ZNF585A: variants seen among roughly 807,000 people sequenced by gnomAD.
ZNF585A encodes zinc finger protein 585A.
In ZNF585A, 9 loss-of-function variants were observed where a neutral mutation model predicts 14.9. The ratio of observed to expected loss-of-function variants is 0.60; its 90% CI spans 0.36 to 1.05. The LOEUF (loss-of-function observed/expected upper bound fraction) is 1.05. ZNF585A is among the 50% of genes least tolerant of loss of function. The probability of loss-of-function intolerance (pLI) is 0.01; values close to 1 mark genes in which losing one functional copy is unlikely to be tolerated. For missense variants in ZNF585A, 726 were observed against 926.4 expected (o/e 0.78, Z 2.81); for synonymous variants, 276 against 319.9 (o/e 0.86, Z 1.46).
intron 4 of ZNF585A, among the ~76,000 whole-genome samples, chr19:37,155,502 T>A (rs901079011): frequency 2.0e-5 from 3 of 151,866 alleles, no homozygotes; most frequent in African/African-American, 4.8e-5. Flanking sequence ...AGTACAAAGA[T>A]TAGCTGGGCA....
intron 2 of ZNF585A, among the ~76,000 whole-genome samples, chr19:37,160,260 G>C (rs1028335277): frequency 6.6e-6 from 1 of 151,562 alleles, no homozygotes; most frequent in African/African-American, 2.4e-5. Context: ...AGAATCACTT[G>C]AGCCTGGGAA....
In ZNF585A at chr19:37,151,524, C is replaced by T. The variant is rs1478741744; in HGVS notation, c.*65G>A. 11 of 1,409,692 alleles carry T rather than the reference C, an allele frequency of 7.8e-6. No homozygotes were observed. Among genetic ancestry groups the T allele is most frequent in the Non-Finnish European group, 9.7e-6 (10 of 1,033,828 alleles). 87.3% of individuals were successfully genotyped at this position (1,409,692 alleles called of 1,614,324 possible). On this transcript the variant is annotated 3_prime_UTR_variant, in exon 5 of 5. Coordinates refer to ENST00000292841, the MANE Select transcript of ZNF585A (RefSeq NM_001288800.2). Reference sequence around the variant, plus strand: ...TTACAATAATATACATATTTTTCTGCTGCATGCGTGCAACAGTGTACAATC... The same window carrying T: ...TTACAATAATATACATATTTTTCTGTTGCATGCGTGCAACAGTGTACAATC...
At chr19:37,169,739 G>A in intron 2 of ZNF585A, 100 bp downstream of exon 2, 2 of 1,430,108 alleles carry the variant, frequency 1.4e-6, no homozygotes, top group Non-Finnish European at 1.9e-6. Context: ...GCTGCTTCCT[G>A]TGGCCCAGCT....
At chr19:37,154,392 T>C (rs1441117977) in intron 4 of ZNF585A, among the ~76,000 whole-genome samples, 3 of 151,288 alleles carry the variant, frequency 2.0e-5, no homozygotes, top group African/African-American at 7.3e-5. Flanking sequence ...GGCAGAAAAA[T>C]GGGTGTGGGG....
chr19:37,168,185 C>T (rs796466770), intron 2 of ZNF585A, among the ~76,000 whole-genome samples: 28 of 152,248 alleles, frequency 1.8e-4, no homozygotes, highest in African/African-American at 6.7e-4. Flanking sequence ...GTGATTTTCA[C>T]CTTAAATTCC....
rs1971847103 is a variant in ZNF585A at position 37,152,383 on chromosome 19, T to C, written c.1516A>G (p.Arg506Gly). The C allele has an allele frequency of 1.2e-6, 2 of 1,614,034 alleles. No homozygotes were observed. Among genetic ancestry groups the C allele is most frequent in the Non-Finnish European group, 1.7e-6 (2 of 1,179,998 alleles). Residue 506 changes from arginine (R) to glycine (G), a missense_variant, in exon 5 of 5, where the codon AGG (arginine) becomes GGG (glycine). By Grantham distance (125) the Arg-to-Gly change is moderately radical (BLOSUM62 -2). Coordinates refer to ENST00000292841, the MANE Select transcript of ZNF585A (RefSeq NM_001288800.2). ...CTCTGATGTGTAATCAAGTCTGACC[T>C]CTGGGTGAAGGCCTTTCCACATTTG... Reference protein sequence around the residue: ...CSKCGKAFTQRSDLITHQRIH... With the variant: ...CSKCGKAFTQGSDLITHQRIH...
rs924690383 is a variant in ZNF585A, at chr19:37,167,481, T to C, written c.72+2358A>G. Reference sequence around the variant, plus strand: ...GGGCCTGGCCCCAAATGCTTTTTAATTGTGGTAAAAATACACATAACATAA... The same window carrying C: ...GGGCCTGGCCCCAAATGCTTTTTAACTGTGGTAAAAATACACATAACATAA... On this transcript the variant is annotated intron_variant, in intron 2 of 4. Coordinates refer to ENST00000292841, the MANE Select transcript of ZNF585A (RefSeq NM_001288800.2). Among the ~76,000 whole-genome samples the C allele has an allele frequency of 2.0e-5, 3 of 152,294 alleles. No homozygotes were observed. The South Asian group carries it at 6.2e-4, about 32-fold the overall frequency.
chr19:37,168,955 A>T (rs1403347621), intron 2 of ZNF585A, among the ~76,000 whole-genome samples: 1 of 152,200 alleles, frequency 6.6e-6, no homozygotes, highest in African/African-American at 2.4e-5. Context: ...TATGTTGAGA[A>T]ACATGGGGGT....
chr19:37,162,591 T>G (rs1972028845), intron 2 of ZNF585A, among the ~76,000 whole-genome samples: 1 of 152,158 alleles, frequency 6.6e-6, no homozygotes, highest in South Asian at 2.1e-4. Context: ...CCATCAGTGA[T>G]AAACTGGATA....
intron 2 of ZNF585A, among the ~76,000 whole-genome samples, chr19:37,165,186 C>T (rs1279168082): frequency 1.3e-5 from 2 of 151,844 alleles, no homozygotes; most frequent in South Asian, 2.1e-4. Flanking sequence ...GGTGAAACCC[C>T]GTGTCTACTA....
At chr19:37,162,551 A>G (rs905377839) in intron 2 of ZNF585A, among the ~76,000 whole-genome samples, 1 of 152,224 alleles carries the variant, frequency 6.6e-6, no homozygotes, top group African/African-American at 2.4e-5. Context: ...AGTATTCACA[A>G]TAGCAAAGAC....
intron 2 of ZNF585A, among the ~76,000 whole-genome samples, chr19:37,160,542 T>C (rs1181268284): frequency 6.6e-6 from 1 of 151,614 alleles, no homozygotes; most frequent in Non-Finnish European, 1.5e-5. Context: ...ACCGATAAAT[T>C]CACTGATTGG....
At chr19:37,154,650 A>T (rs1226448189) in intron 4 of ZNF585A, among the ~76,000 whole-genome samples, 1 of 131,356 alleles carries the variant, frequency 7.6e-6, no homozygotes, top group African/African-American at 3.3e-5. Context: ...AGATAATCCC[A>T]AAGATTAAGT....
chr19:37,151,255 G>T lies in ZNF585A; in HGVS notation c.*334C>A. 2.3e-6 allele frequency: 1 copy of T among 437,904 alleles called. No homozygotes were observed. The highest frequency in any genetic ancestry group is 4.0e-6 in the Non-Finnish European group (1 of 248,764). The allele number at this position is 437,904 out of a possible 1,614,324, so 27.1% of individuals were successfully genotyped here. On this transcript the variant is annotated 3_prime_UTR_variant, in exon 5 of 5. Coordinates refer to ENST00000292841, the MANE Select transcript of ZNF585A (RefSeq NM_001288800.2). ...CACTATACCTAATCCACAGTAAACA[G>T]GATTATCGTTAACTTAATACGATCT...
rs1209786528 is a variant in ZNF585A at position 37,152,918 on chromosome 19, T to C, written c.981A>G (p.Ile327Met). Residue 327 changes from isoleucine to methionine, a missense_variant, in exon 5 of 5, where the codon ATA becomes ATG. This residue lies in a region of ZNF585A where 483 missense variants were observed against 542.8 expected (regional missense o/e 0.89). Coordinates refer to ENST00000292841, the MANE Select transcript of ZNF585A (RefSeq NM_001288800.2). ...TGAAGACCTTCCCATATTCGGTACA[T>C]ATATAGGGCTTCACTCTTGTGTGAA... ...QRVHTRVKPY[I>M]CTEYGKVFSN... 5 of 1,614,236 alleles carry C rather than the reference T, an allele frequency of 3.1e-6. No individual in the cohort carries two copies. Among genetic ancestry groups the C allele is most frequent in the African/African-American group, 2.7e-5 (2 of 75,076 alleles).
chr19:37,151,847 A>G lies in ZNF585A; in HGVS notation c.2052T>C (p.His684=). The stretch of plus-strand genomic sequence containing the variant: ...TGCACTCATAAGGTTTCTCTCCAGT[A>G]TGAATTCTGTGATGTGTAATCAACT... ...KSELITHHRI[H]TGEKPYECSD... The change falls in exon 5 of 5, where the codon CAT becomes CAC. Residue 684 remains histidine (H), a synonymous_variant. Transcript: ENST00000292841. 5.6e-6 allele frequency: 9 copies of G among 1,612,292 alleles called. No homozygotes were observed. Among genetic ancestry groups the G allele is most frequent in the Non-Finnish European group, 7.6e-6 (9 of 1,179,162 alleles).
intron 2 of ZNF585A, among the ~76,000 whole-genome samples, chr19:37,165,853 T>A (rs1342794184): frequency 6.6e-6 from 1 of 152,240 alleles, no homozygotes; most frequent in Non-Finnish European, 1.5e-5. Flanking sequence ...CATTTTAATT[T>A]CTTCAAGGAC....
At chr19:37,160,024 C>T (rs1482930559) in intron 2 of ZNF585A, among the ~76,000 whole-genome samples, 1 of 152,062 alleles carries the variant, frequency 6.6e-6, no homozygotes, top group Non-Finnish European at 1.5e-5. Context: ...ATAATGTAAG[C>T]TTGTACCTCA....
intron 4 of ZNF585A, 47 bp from the exon 5 acceptor site, chr19:37,153,653 T>G (rs1971878267): frequency 7.1e-7 from 1 of 1,411,404 alleles, no homozygotes; most frequent in Non-Finnish European, 9.6e-7. Context: ...TTTTATCATT[T>G]GGTAATCTTT....
Sources: gnomAD v4.1 joint callset for allele counts (sites outside exome capture counted in the v4.1 genomes callset) on GRCh38, gnomAD v4.1.1 for gene constraint, gnomAD v4.1.1 regional missense constraint, MANE v1.5 for transcripts, NCBI Gene and HGNC (gene_info 2026-07-23, HGNC 2026-07-21) for gene names.